Variants in CREB5 observed in about 807,000 individuals in gnomAD.
CREB5 encodes the protein cAMP responsive element binding protein 5.
In CREB5, 19 loss-of-function variants were observed where a neutral mutation model predicts 57.1. The observed-to-expected ratio is 0.33, with a 90% CI of 0.23 to 0.49. The LOEUF is 0.49. Among genes scored for constraint, CREB5 ranks in the 20% least tolerant of loss-of-function variants. The pLI, the probability that CREB5 is intolerant of heterozygous loss-of-function variation, is 0.99. For synonymous variants in CREB5, 238 were observed against 238.3 expected, an observed-to-expected ratio of 1.00 and a Z score of 0.01; for missense variants, 579 against 671.6, an observed-to-expected ratio of 0.86 and a Z score of 1.52.
At chr7:28,566,515 G>A (rs1473092495) in intron 4 of CREB5, among the ~76,000 whole-genome samples, 1 of 152,188 alleles carries the variant, frequency 6.6e-6, no homozygotes, top group Non-Finnish European at 1.5e-5. Context: ...GCAAGATAGA[G>A]TCACTCTTTG....
intron 7 of CREB5, among the ~76,000 whole-genome samples, chr7:28,776,552 T>A (rs945919867): frequency 5.3e-5 from 8 of 152,316 alleles, no homozygotes; most frequent in African/African-American, 1.9e-4. Context: ...GAGCTCTAAT[T>A]CACATACCAT....
chr7:28,344,442 G>A (rs780302831), intron 1 of CREB5, among the ~76,000 whole-genome samples: 2 of 152,128 alleles, frequency 1.3e-5, no homozygotes, highest in Non-Finnish European at 2.9e-5. Context: ...TCCCTTTGTT[G>A]AAAATCAGTT....
chr7:28,660,387 T>TG (rs1232874713), intron 5 of CREB5, among the ~76,000 whole-genome samples: 5 of 150,744 alleles, frequency 3.3e-5, no homozygotes, highest in East Asian at 1.9e-4. Context: ...AACAGTTTTT[T>TG]TTTTTTTTTT....
chr7:28,715,126 T>G (rs1048658630), intron 5 of CREB5, among the ~76,000 whole-genome samples: 6 of 152,206 alleles, frequency 3.9e-5, no homozygotes, highest in African/African-American at 1.4e-4. Context: ...TTACAGGATT[T>G]TACTACTTTA....
intron 5 of CREB5, among the ~76,000 whole-genome samples, chr7:28,577,036 T>C (rs1015565695): frequency 9.2e-5 from 14 of 152,168 alleles, no homozygotes; most frequent in African/African-American, 3.1e-4. Context: ...AGCAAAACCA[T>C]GGCAAGTCAG....
At chr7:28,632,702 C>T (rs1252796639) in intron 5 of CREB5, among the ~76,000 whole-genome samples, 1 of 152,160 alleles carries the variant, frequency 6.6e-6, no homozygotes, top group Non-Finnish European at 1.5e-5. Flanking sequence ...AAGGTCTCAG[C>T]TCCAGTGTCG....
chr7:28,580,309 A>T (rs1796067062), intron 5 of CREB5, among the ~76,000 whole-genome samples: 1 of 152,032 alleles, frequency 6.6e-6, no homozygotes, highest in Non-Finnish European at 1.5e-5. Flanking sequence ...AATCTGATGA[A>T]ATAAAAGTCT....
At chr7:28,591,594 G>A (rs903278815) in intron 5 of CREB5, among the ~76,000 whole-genome samples, 1 of 152,154 alleles carries the variant, frequency 6.6e-6, no homozygotes, top group African/African-American at 2.4e-5. Context: ...GTTTAGGACT[G>A]GATGTTAGAA....
intron 1 of CREB5, among the ~76,000 whole-genome samples, chr7:28,429,311 C>T (rs113812807): frequency 1.3e-5 from 2 of 152,214 alleles, no homozygotes; most frequent in Non-Finnish European, 2.9e-5. Flanking sequence ...TCGGTGCCAG[C>T]CACTGTGCCC....
At chr7:28,575,576 C>T (rs947872119) in intron 5 of CREB5, among the ~76,000 whole-genome samples, 5 of 152,250 alleles carry the variant, frequency 3.3e-5, no homozygotes, top group Admixed American at 1.3e-4. Context: ...AGCCTCCTTC[C>T]TGCTGGAGAC....
chr7:28,718,500 T>C (rs1166684373), intron 5 of CREB5, among the ~76,000 whole-genome samples: 2 of 152,244 alleles, frequency 1.3e-5, no homozygotes, highest in Non-Finnish European at 2.9e-5. Flanking sequence ...GGCTTGTTTC[T>C]ATTGAACATC....
At chr7:28,710,487 T>G (rs773688864) in intron 5 of CREB5, among the ~76,000 whole-genome samples, 8 of 152,228 alleles carry the variant, frequency 5.3e-5, no homozygotes, top group Non-Finnish European at 1.0e-4. Flanking sequence ...TTTTTAAAAA[T>G]TACTCAAAAT....
At chr7:28,361,415 G>T (rs1408654546) in intron 1 of CREB5, among the ~76,000 whole-genome samples, 2 of 152,100 alleles carry the variant, frequency 1.3e-5, no homozygotes, top group Non-Finnish European at 2.9e-5. Flanking sequence ...GTGAGGCCTT[G>T]GTGGCAACAT....
chr7:28,737,654 A>G (rs1284101542), intron 7 of CREB5, among the ~76,000 whole-genome samples: 1 of 149,964 alleles, frequency 6.7e-6, no homozygotes, highest in Non-Finnish European at 1.5e-5. Context: ...GGTTTAAAAC[A>G]TACTTGTTCA....
At chr7:28,312,850 A>G (rs1242112089) in intron 1 of CREB5, among the ~76,000 whole-genome samples, 2 of 152,204 alleles carry the variant, frequency 1.3e-5, no homozygotes, top group Non-Finnish European at 2.9e-5. Context: ...TAGTGTTGCC[A>G]GTGGTCAAGC....
intron 5 of CREB5, among the ~76,000 whole-genome samples, chr7:28,676,474 A>G (rs563536601): frequency 4.6e-5 from 7 of 152,318 alleles, no homozygotes; most frequent in Admixed American, 1.3e-4. Context: ...GATGACTCAC[A>G]GGTCGCGATC....
chr7:28,408,945 C>T (rs943514031), upstream of CREB5, among the ~76,000 whole-genome samples: 1 of 152,022 alleles, frequency 6.6e-6, no homozygotes, highest in African/African-American at 2.4e-5. Flanking sequence ...TCAGCATCCC[C>T]CTCCCCACCT....
chr7:28,486,320 G>A (rs1334286124), intron 1 of CREB5, among the ~76,000 whole-genome samples: 1 of 152,062 alleles, frequency 6.6e-6, no homozygotes, highest in Non-Finnish European at 1.5e-5. Context: ...GGGGAAAGCT[G>A]TGACAATATA....
At chr7:28,508,356 G>A (rs1259746309) in intron 4 of CREB5, among the ~76,000 whole-genome samples, 2 of 152,148 alleles carry the variant, frequency 1.3e-5, no homozygotes, top group Non-Finnish European at 2.9e-5. Flanking sequence ...AGGAGATGGT[G>A]GTCACAAGTC....
Sources: allele counts gnomAD v4.1 joint callset (sites outside exome capture counted in the v4.1 genomes callset), GRCh38; gene constraint gnomAD v4.1.1; transcripts MANE v1.5; gene names NCBI Gene and HGNC (gene_info 2026-07-23, HGNC 2026-07-21).